PNPLA8: variants seen among roughly 807,000 people sequenced by gnomAD.
PNPLA8 encodes patatin like domain 8, phospholipase A2.
A neutral mutation model predicts 76.9 loss-of-function variants in PNPLA8; 39 were observed. The observed-to-expected ratio is 0.51, with a 90% CI of 0.39 to 0.66. The LOEUF (loss-of-function observed/expected upper bound fraction) is 0.66, where lower values mean the gene tolerates loss of function less well. Ranked by LOEUF, PNPLA8 falls within the 30% of genes least tolerant of loss-of-function variation. The probability of loss-of-function intolerance (pLI) is 0.00; values close to 1 mark genes in which losing one functional copy is unlikely to be tolerated. For synonymous variants in PNPLA8, 301 were observed against 307.9 expected, an observed-to-expected ratio of 0.98 and a Z score of 0.24; for missense variants, 887 against 918.0, an observed-to-expected ratio of 0.97 and a Z score of 0.44.
At chr7:108,480,507 T>C (rs753543954) in intron 9 of PNPLA8, among the ~76,000 whole-genome samples, 1 of 152,204 alleles carries the variant, frequency 6.6e-6, no homozygotes, top group Non-Finnish European at 1.5e-5. Flanking sequence ...CGGAAAGGCA[T>C]TTCTTCAGTG....
chr7:108,510,788 A>G, intron 4 of PNPLA8: 1 of 1,601,274 alleles, frequency 6.2e-7, no homozygotes, highest in East Asian at 2.2e-5. Context: ...CATCATCTGC[A>G]TGGAGGATCT....
intron 9 of PNPLA8, among the ~76,000 whole-genome samples, chr7:108,481,345 T>C (rs1292639340): frequency 6.6e-6 from 1 of 152,242 alleles, no homozygotes; most frequent in Non-Finnish European, 1.5e-5. Context: ...AAAGTTCCAG[T>C]TGCTCTGCAT....
chr7:108,487,881 A>T lies in PNPLA8; in HGVS notation c.1756T>A (p.Phe586Ile). The T allele has an allele frequency of 6.2e-7, 1 of 1,613,666 alleles. No individual in the cohort carries two copies. Among genetic ancestry groups the T allele is most frequent in the Non-Finnish European group, 8.5e-7 (1 of 1,179,582 alleles). ...KAFVFRNYGH[F>I]PGINSHYLGG... is the part of the protein sequence containing the mutation. ...AAATAATGAGAGTTGATTCCAGGAA[A>T]ATGACCATAGTTTCTGAACACAAAA... is the stretch of plus-strand genomic sequence containing the variant. Residue 586 changes from phenylalanine to isoleucine, a missense_variant, in exon 9 of 11, where the codon TTT (phenylalanine) becomes ATT (isoleucine). Phe to Ile is a conservative substitution (Grantham distance 21). Coordinates refer to ENST00000257694, the MANE Select transcript of PNPLA8 (RefSeq NM_001256007.3).
chr7:108,491,368 C>T, intron 8 of PNPLA8, 42 bp downstream of exon 8: 1 of 1,214,250 alleles, frequency 8.2e-7, no homozygotes, highest in Non-Finnish European at 1.2e-6. Context: ...ACCAGACCTT[C>T]AGATGGAACT....
At chr7:108,494,731 A>T (rs1861436217) in intron 7 of PNPLA8, among the ~76,000 whole-genome samples, 1 of 152,202 alleles carries the variant, frequency 6.6e-6, no homozygotes, top group African/African-American at 2.4e-5. Context: ...TATGCCCAGT[A>T]GTAGGATTGT....
chr7:108,504,814 C>T (rs956929872), intron 4 of PNPLA8, among the ~76,000 whole-genome samples: 42 of 152,122 alleles, frequency 2.8e-4, no homozygotes, highest in African/African-American at 9.6e-4. Flanking sequence ...TGGTGACTCA[C>T]GCCTGTAATC....
intron 9 of PNPLA8, among the ~76,000 whole-genome samples, chr7:108,481,074 T>A (rs1860360276): frequency 6.6e-6 from 1 of 152,216 alleles, no homozygotes; most frequent in Non-Finnish European, 1.5e-5. Context: ...TTACTGCTGA[T>A]TGTATGGATG....
chr7:108,483,430 C>CA (rs1302453191), intron 9 of PNPLA8, among the ~76,000 whole-genome samples: 1 of 152,140 alleles, frequency 6.6e-6, no homozygotes, highest in East Asian at 1.9e-4. Flanking sequence ...ACATTTACTT[C>CA]AAAAACCTAT....
At chr7:108,481,213 C>T (rs935270965) in intron 9 of PNPLA8, among the ~76,000 whole-genome samples, 2 of 152,178 alleles carry the variant, frequency 1.3e-5, no homozygotes, top group Admixed American at 1.3e-4. Flanking sequence ...ATTTTCATTT[C>T]TCTGGAGTAA....
Position 108,502,472 on chromosome 7 carries a change from A to G in PNPLA8, c.1358+19T>C. On this transcript the variant is annotated intron_variant, in intron 5 of 10. Transcript: ENST00000257694. Reference sequence around the variant, plus strand: ...AAAAAAAAAAAAAAAAAAAAAAAGAATCATGTTCCTAGCCTTACCTTGTTC... The same window carrying G: ...AAAAAAAAAAAAAAAAAAAAAAAGAGTCATGTTCCTAGCCTTACCTTGTTC... 7.0e-7 allele frequency: 1 copy of G among 1,430,284 alleles called. No homozygotes were observed. Among genetic ancestry groups the G allele is most frequent in the Admixed American group, 2.3e-5 (1 of 44,000 alleles). 88.6% of individuals were successfully genotyped at this position (1,430,284 alleles called of 1,614,324 possible).
rs34936500 is a variant in PNPLA8, at chr7:108,514,607, C to T, written c.885G>A (p.Thr295=). The T allele has an allele frequency of 0.013, 20,691 of 1,613,910 alleles. 156 individuals carry two copies. The highest frequency in any genetic ancestry group is 0.017 in the Middle Eastern group (104 of 6,062). The part of the protein sequence containing the change: ...QSIANFLSRP[T]EGVQALVGGY... ...CACCTACTAAAGCTTGTACACCTTC[C>T]GTGGGACGAGAAAGAAAGTTAGCAA... is the stretch of plus-strand genomic sequence containing the variant. The change falls in exon 3 of 11, where the codon ACG becomes ACA. Residue 295 remains threonine (T), a synonymous_variant. Transcript: ENST00000257694.
intron 8 of PNPLA8, among the ~76,000 whole-genome samples, chr7:108,490,380 G>A (rs747843051): frequency 6.6e-6 from 1 of 151,996 alleles, no homozygotes. Context: ...TATAATACTT[G>A]CACAATGACA....
intron 1 of PNPLA8, among the ~76,000 whole-genome samples, chr7:108,524,682 G>A (rs1019519143): frequency 2.0e-5 from 3 of 152,114 alleles, no homozygotes; most frequent in African/African-American, 7.2e-5. Context: ...AGCCGGGTGT[G>A]GTTGCGCACG....
intron 4 of PNPLA8, among the ~76,000 whole-genome samples, chr7:108,504,560 A>T (rs1182928679): frequency 1.3e-5 from 2 of 152,240 alleles, no homozygotes; most frequent in Non-Finnish European, 2.9e-5. Context: ...AAATTGTTCC[A>T]CATATTCACT....
intron 7 of PNPLA8, among the ~76,000 whole-genome samples, chr7:108,494,858 A>G (rs1861443774): frequency 6.6e-6 from 1 of 152,228 alleles, no homozygotes; most frequent in Non-Finnish European, 1.5e-5. Context: ...TATATGGTTA[A>G]TATATTTACA....
intron 1 of PNPLA8, among the ~76,000 whole-genome samples, chr7:108,525,624 C>A (rs1053687456): frequency 1.3e-5 from 2 of 152,220 alleles, no homozygotes; most frequent in Non-Finnish European, 2.9e-5. Flanking sequence ...CAGGTGCACA[C>A]TGACAGTCGA....
At chr7:108,481,234 G>A (rs547802676) in intron 9 of PNPLA8, among the ~76,000 whole-genome samples, 9 of 152,300 alleles carry the variant, frequency 5.9e-5, no homozygotes, top group African/African-American at 1.9e-4. Flanking sequence ...ATACGAGTGC[G>A]ATCGTTGGAG....
intron 7 of PNPLA8, among the ~76,000 whole-genome samples, chr7:108,493,559 C>T (rs1427732888): frequency 3.4e-5 from 5 of 146,524 alleles, no homozygotes; most frequent in African/African-American, 1.0e-4. Context: ...CGCCCGCCCC[C>T]ATGCCTGGCT....
upstream of PNPLA8, among the ~76,000 whole-genome samples, chr7:108,527,072 G>T (rs1214058934): frequency 6.6e-6 from 1 of 152,156 alleles, no homozygotes; most frequent in African/African-American, 2.4e-5. Context: ...TTGCAATTAC[G>T]TTGAGGTCGG....
Sources: gnomAD v4.1 joint callset for allele counts (sites outside exome capture counted in the v4.1 genomes callset) on GRCh38, gnomAD v4.1.1 for gene constraint, MANE v1.5 for transcripts, NCBI Gene and HGNC (gene_info 2026-07-23, HGNC 2026-07-21) for gene names.